PCNX2: variants seen among roughly 807,000 people sequenced by gnomAD.
PCNX2 encodes the protein pecanex-like protein 2.
PCNX2 carries 168 observed loss-of-function variants against 223.8 expected under a neutral mutation model. The ratio of observed to expected loss-of-function variants is 0.75; its 90% confidence interval spans 0.66 to 0.85. The LOEUF (loss-of-function observed/expected upper bound fraction) is 0.85. PCNX2 is among the 40% of genes least tolerant of loss of function. The pLI is 0.00. For missense variants in PCNX2, 2,507 were observed against 2,675.5 expected, an observed-to-expected ratio of 0.94 and a Z score of 1.39; for synonymous variants, 1,006 against 1,052.6, an observed-to-expected ratio of 0.96 and a Z score of 0.86.
At chr1:233,017,870 G>T (rs1051685327) in intron 26 of PCNX2, among the ~76,000 whole-genome samples, 3 of 152,222 alleles carry the variant, frequency 2.0e-5, no homozygotes, top group Non-Finnish European at 2.9e-5. Flanking sequence ...TCTGAGAAAA[G>T]CACACAAAAG....
intron 17 of PCNX2, among the ~76,000 whole-genome samples, chr1:233,177,115 T>A (rs990143918): frequency 1.3e-5 from 2 of 152,216 alleles, no homozygotes; most frequent in Admixed American, 1.3e-4. Flanking sequence ...GTAACTTCTC[T>A]TAGAAGCAAA....
intron 13 of PCNX2, among the ~76,000 whole-genome samples, chr1:233,206,606 G>A (rs1681479585): frequency 6.6e-6 from 1 of 152,146 alleles, no homozygotes; most frequent in African/African-American, 2.4e-5. Context: ...TTCTTGGGCA[G>A]GAGGGCACTG....
intron 10 of PCNX2, among the ~76,000 whole-genome samples, chr1:233,218,497 T>A (rs557527766): frequency 2.4e-4 from 37 of 152,086 alleles, no homozygotes; most frequent in African/African-American, 8.4e-4. Flanking sequence ...TGATCTGCCC[T>A]CCTTGGCCTC....
At chr1:233,144,550 T>TC (rs1401700476) in intron 19 of PCNX2, among the ~76,000 whole-genome samples, 6 of 152,220 alleles carry the variant, frequency 3.9e-5, no homozygotes, top group Non-Finnish European at 8.8e-5. Context: ...AAATGTTTTT[T>TC]CTCTTCTTAA....
Position 233,135,099 on chromosome 1 carries a change from T to G in PCNX2, c.3751A>C (p.Thr1251Pro), listed in dbSNP as rs749565633. The G allele has an allele frequency of 6.2e-7, 1 of 1,613,180 alleles. No homozygotes were observed. The highest frequency in any genetic ancestry group is 8.5e-7 in the Non-Finnish European group (1 of 1,179,132). ...TAGTCAAAGTGGAAAAAGATGACAG[T>G]GAAGCTCAAGTTAATAAACTGGTAA... ...PVYQFINLSF[T>P]VIFFHFDYKD... Residue 1251 changes from threonine (T) to proline (P), a missense_variant, in exon 21 of 34, where the codon ACT (threonine) becomes CCT (proline). By Grantham distance (38) the Thr-to-Pro change is conservative. Transcript: ENST00000258229.
intron 15 of PCNX2, among the ~76,000 whole-genome samples, chr1:233,185,326 G>A (rs895672755): frequency 2.0e-5 from 3 of 152,038 alleles, no homozygotes; most frequent in Admixed American, 1.3e-4. Context: ...ATCAAGCAAG[G>A]AGACAGGAAG....
chr1:233,157,241 G>C (rs1304760412), intron 19 of PCNX2, among the ~76,000 whole-genome samples: 1 of 152,128 alleles, frequency 6.6e-6, no homozygotes, highest in Non-Finnish European at 1.5e-5. Flanking sequence ...TGCCCACCCA[G>C]AATGAGAGCA....
chr1:233,218,159 G>A lies in PCNX2; in HGVS notation c.2530C>T (p.Leu844=). The A allele has an allele frequency of 1.5e-6, 2 of 1,301,960 alleles. No individual in the cohort carries two copies. Among genetic ancestry groups the A allele is most frequent in the Non-Finnish European group, 2.0e-6 (2 of 998,846 alleles). The allele number at this position is 1,301,960 out of a possible 1,614,324, so 80.7% of individuals were successfully genotyped here. Residue 844 remains leucine, a synonymous_variant, in exon 11 of 34, where the codon CTG becomes TTG. Transcript: ENST00000258229. ...ACCAGGACAATGAGTAAAATCGCCA[G>A]TACATTCTCCTTGATGTCTTCAGTT... ...DRTEDIKENV[L]AILLIVLVSL...
Position 233,295,627 on chromosome 1 carries a change from C to T in PCNX2, c.-149G>A, listed in dbSNP as rs1436209653. Reference sequence around the variant, plus strand: ...TCGCCCCCGCCGCCTCCTTCCACCCCACGTTTGAAGCTGGAGCTGCTCTTC... The same window carrying T: ...TCGCCCCCGCCGCCTCCTTCCACCCTACGTTTGAAGCTGGAGCTGCTCTTC... On this transcript the variant is annotated 5_prime_UTR_variant, in exon 1 of 34. Transcript: ENST00000258229. This position sits in a 1 kb window ranked among gnomAD's most constrained non-coding sequence, Gnocchi z 4.1. 3.4e-6 allele frequency: 3 copies of T among 880,884 alleles called. No individual in the cohort carries two copies. The highest frequency in any genetic ancestry group is 4.5e-6 in the Non-Finnish European group (3 of 661,252). The allele number at this position is 880,884 out of a possible 1,614,324, so 54.6% of individuals were successfully genotyped here.
At chr1:233,292,346 T>C (rs1350510418) in intron 1 of PCNX2, among the ~76,000 whole-genome samples, 1 of 151,906 alleles carries the variant, frequency 6.6e-6, no homozygotes, top group East Asian at 1.9e-4. Flanking sequence ...TCACTGGGAT[T>C]GCAGGCATGC....
At chr1:233,182,097 C>G (rs970552224) in intron 15 of PCNX2, among the ~76,000 whole-genome samples, 16 of 152,322 alleles carry the variant, frequency 1.1e-4, no homozygotes, top group African/African-American at 3.8e-4. Context: ...GGCTAAGTTA[C>G]TAGACATCTC....
At chr1:233,285,678 AAAAC>A (rs145161894) in intron 1 of PCNX2, among the ~76,000 whole-genome samples, 11 of 152,122 alleles carry the variant, frequency 7.2e-5, no homozygotes, top group African/African-American at 1.4e-4. Context: ...CCATCTCAAA[AAAAC>A]AAACAAACAA....
chr1:233,305,197 T>C, the PCNX2 span, among the ~76,000 whole-genome samples: 3 of 152,172 alleles, frequency 2.0e-5, no homozygotes, highest in African/African-American at 7.2e-5. Context: ...ATAGCTCCTT[T>C]ATTCTCATAT....
intron 22 of PCNX2, chr1:233,095,496 T>G (rs1243262096): frequency 2.1e-6 from 1 of 478,448 alleles, no homozygotes; most frequent in East Asian, 3.6e-5. Context: ...TTAATGCAGA[T>G]CTGGGCATGG....
chr1:233,256,863 A>G (rs1002123406), intron 5 of PCNX2, among the ~76,000 whole-genome samples: 4 of 152,214 alleles, frequency 2.6e-5, no homozygotes, highest in African/African-American at 9.6e-5. Flanking sequence ...ACCAGTATGG[A>G]GCCAGAGGAG....
intron 23 of PCNX2, among the ~76,000 whole-genome samples, chr1:233,081,627 G>C (rs1242645293): frequency 6.6e-6 from 1 of 152,232 alleles, no homozygotes; most frequent in African/African-American, 2.4e-5. Context: ...ACGCTTTCTT[G>C]CAGCCTGAAG....
intron 1 of PCNX2, among the ~76,000 whole-genome samples, chr1:233,272,340 A>G (rs1660681256): frequency 6.6e-6 from 1 of 152,000 alleles, no homozygotes; most frequent in South Asian, 2.1e-4. Context: ...AAGAACATGA[A>G]TAGACAATTA....
rs1332897135 is a variant in PCNX2 at position 233,217,900 on chromosome 1, T to C, written c.2690A>G (p.His897Arg). ...SVQPDPASPI[H>R]GHNQIITYSR... ...ACTTGCCTGTATTTGGAAACTTACG[T>C]GTATTGGTGAGGCGGGGTCAGGCTG... is the stretch of plus-strand genomic sequence containing the variant. Residue 897 changes from histidine to arginine, a missense_variant and splice_region_variant, in exon 12 of 34, where the codon CAC (histidine) becomes CGC (arginine). Coordinates refer to ENST00000258229, the MANE Select transcript of PCNX2 (RefSeq NM_014801.4). 6.2e-7 allele frequency: 1 copy of C among 1,613,654 alleles called. No homozygotes were observed. Among genetic ancestry groups the C allele is most frequent in the African/African-American group, 1.3e-5 (1 of 74,852 alleles).
intron 19 of PCNX2, among the ~76,000 whole-genome samples, chr1:233,152,171 C>T (rs1677854732): frequency 6.6e-6 from 1 of 152,244 alleles, no homozygotes; most frequent in East Asian, 1.9e-4. Flanking sequence ...AAAATAATAG[C>T]AACAGAGAGA....
Sources: gnomAD v4.1 joint callset for allele counts (sites outside exome capture counted in the v4.1 genomes callset) on GRCh38, gnomAD v4.1.1 for gene constraint, Gnocchi (gnomAD v3.1) non-coding constraint, MANE v1.5 for transcripts, NCBI Gene and HGNC (gene_info 2026-07-23, HGNC 2026-07-21) for gene names.